SYDE2: variants seen among roughly 807,000 people sequenced by gnomAD.
SYDE2 encodes the protein rho GTPase-activating protein SYDE2.
SYDE2 carries 76 observed loss-of-function variants against 91.5 expected under a neutral mutation model. The observed-to-expected ratio is 0.83, with a 90% CI of 0.69 to 1.01. The LOEUF (loss-of-function observed/expected upper bound fraction) is 1.01, where lower values mean the gene tolerates loss of function less well. Ranked by LOEUF, SYDE2 falls within the 50% of genes least tolerant of loss-of-function variation. The probability of loss-of-function intolerance (pLI) is 0.00; values close to 1 mark genes in which losing one functional copy is unlikely to be tolerated. For synonymous variants in SYDE2, 513 were observed against 506.4 expected (o/e 1.01, Z -0.18); for missense variants, 1,364 against 1,367.7 (o/e 1.00, Z 0.04).
chr1:85,168,000 G>A (rs1387928533), intron 5 of SYDE2, among the ~76,000 whole-genome samples: 1 of 152,048 alleles, frequency 6.6e-6, no homozygotes, highest in East Asian at 1.9e-4. Flanking sequence ...TGTAGTCTCA[G>A]CTACTCAGGA....
chr1:85,159,400 A>AT (rs1017233275), intron 6 of SYDE2, among the ~76,000 whole-genome samples, 151 bp from the exon 7 acceptor site: 2 of 152,182 alleles, frequency 1.3e-5, no homozygotes, highest in African/African-American at 2.4e-5. Flanking sequence ...TTCCATAATT[A>AT]TTTTTTATTA....
At chr1:85,154,238 TCAATCTGTGGTCTGGAAA>T (rs1656827297), downstream of SYDE2, 1 of 150,924 alleles carries the variant, frequency 6.6e-6, no homozygotes, top group African/African-American at 2.4e-5. Flanking sequence ...ACCATCAAAC[TCAATCTGTGGTCTGGAAA>T]CTAAATTCTT....
intron 1 of SYDE2, among the ~76,000 whole-genome samples, chr1:85,197,890 G>C (rs1168371730): frequency 1.3e-5 from 2 of 152,012 alleles, no homozygotes; most frequent in South Asian, 2.1e-4. Context: ...TCCTGACCTC[G>C]TGATCCGCCC....
At chr1:85,166,763 C>T (rs1657292571) in intron 5 of SYDE2, among the ~76,000 whole-genome samples, 1 of 152,066 alleles carries the variant, frequency 6.6e-6, no homozygotes, top group Non-Finnish European at 1.5e-5. Flanking sequence ...AGGGTATTTC[C>T]AGCAATAATT....
chr1:85,174,416 C>A (rs143026054), intron 4 of SYDE2, among the ~76,000 whole-genome samples: 205 of 149,772 alleles, frequency 1.4e-3, no homozygotes, highest in African/African-American at 4.9e-3. Flanking sequence ...CACAAAAGAC[C>A]ATATTCTGGG....
intron 5 of SYDE2, among the ~76,000 whole-genome samples, chr1:85,166,873 A>G (rs1317249609): frequency 6.6e-6 from 1 of 152,172 alleles, no homozygotes; most frequent in Non-Finnish European, 1.5e-5. Flanking sequence ...TTTTTTGACT[A>G]CTAAATAAGA....
chr1:85,173,505 G>A (rs1211886081), intron 4 of SYDE2, among the ~76,000 whole-genome samples: 1 of 152,190 alleles, frequency 6.6e-6, no homozygotes, highest in Non-Finnish European at 1.5e-5. Flanking sequence ...TAAGTACACA[G>A]TATATAGCAG....
chr1:85,178,209 C>A lies in SYDE2; in HGVS notation c.2608G>T (p.Glu870Ter). ...AGACCAACAGCTTTGCTATCTCTCT[C>A]AAAAGCCTCTCGCAGTTCTTTCTTG... Reference protein sequence around the residue: ...AVKKELREAFERDSKAVGLCE... With the variant: ...AVKKELREAF The change falls in exon 4 of 7, where the codon GAG becomes TAG. Residue 870 changes from glutamate to a stop codon, truncating the protein, a stop_gained. Transcript: ENST00000341460. LOFTEE classifies it high-confidence loss of function. The A allele has an allele frequency of 6.3e-7, 1 of 1,587,012 alleles. No individual in the cohort carries two copies. Among genetic ancestry groups the A allele is most frequent in the Non-Finnish European group, 8.6e-7 (1 of 1,165,400 alleles).
At chr1:85,167,561 T>C (rs817424) in intron 5 of SYDE2, among the ~76,000 whole-genome samples, 34,376 of 152,004 alleles carry the variant, frequency 0.23, 4,810 homozygotes, top group African/African-American at 0.39. Context: ...AGCCATCCTT[T>C]TACCTCAGCC....
chr1:85,155,322 A>T (rs1305376510), downstream of SYDE2, among the ~76,000 whole-genome samples: 2 of 152,172 alleles, frequency 1.3e-5, no homozygotes, highest in Non-Finnish European at 2.9e-5. Context: ...GCTACAGTAA[A>T]GCAAGTGTTT....
chr1:85,187,229 A>G (rs1658178945), intron 2 of SYDE2, among the ~76,000 whole-genome samples: 1 of 152,240 alleles, frequency 6.6e-6, no homozygotes, highest in African/African-American at 2.4e-5. Flanking sequence ...AATTCTCAAA[A>G]GAAGACATTT....
chr1:85,162,231 G>T (rs1283084523), intron 6 of SYDE2, among the ~76,000 whole-genome samples: 1 of 152,168 alleles, frequency 6.6e-6, no homozygotes. Context: ...TTTAACTCTG[G>T]AGTTGGAGAA....
downstream of SYDE2, chr1:85,154,097 C>A (rs1398119441): frequency 6.6e-6 from 1 of 152,118 alleles, no homozygotes. Context: ...GGAAAAACAG[C>A]AAAAGAGCAT....
intron 1 of SYDE2, among the ~76,000 whole-genome samples, chr1:85,194,039 C>T (rs1467240572): frequency 2.0e-5 from 3 of 151,902 alleles, no homozygotes; most frequent in Non-Finnish European, 4.4e-5. Context: ...AGATAAATGG[C>T]ACATTATTAT....
intron 2 of SYDE2, among the ~76,000 whole-genome samples, chr1:85,188,387 C>T (rs1184770472): frequency 6.6e-6 from 1 of 152,190 alleles, no homozygotes; most frequent in Non-Finnish European, 1.5e-5. Flanking sequence ...ATTTCCAGGA[C>T]ATCTTTCAGC....
chr1:85,158,785 C>A lies in SYDE2; in HGVS notation c.3550G>T (p.Glu1184Ter). 4 of 758,422 alleles carry A rather than the reference C, an allele frequency of 5.3e-6. No homozygotes were observed. The highest frequency in any genetic ancestry group is 9.7e-6 in the Non-Finnish European group (4 of 410,268). The allele number at this position is 758,422 out of a possible 1,614,324, so 47.0% of individuals were successfully genotyped here. The change falls in exon 7 of 7, where the codon GAG (glutamate) becomes TAG (stop). Residue 1184 changes from glutamate (E) to a stop codon, truncating the protein, a stop_gained. Coordinates refer to ENST00000341460, the MANE Select transcript of SYDE2 (RefSeq NM_032184.2). LOFTEE classifies it high-confidence loss of function. ...IDTLIGNLERELNKNKLNMSF is the reference protein window; with the variant it reads ...IDTLIGNLER ...ATATTAAGCTTGTTTTTGTTGAGCTCACGTTCCAGATTTCCAATCAAAGTA... is the reference window on the plus strand; with the variant it reads ...ATATTAAGCTTGTTTTTGTTGAGCTAACGTTCCAGATTTCCAATCAAAGTA...
rs1656956957 is a variant in SYDE2, at chr1:85,158,827, G to C, written c.3508C>G (p.Leu1170Val). The C allele has an allele frequency of 1.3e-6, 1 of 774,700 alleles. No homozygotes were observed. The highest frequency in any genetic ancestry group is 2.4e-5 in the East Asian group (1 of 41,182). The allele number at this position is 774,700 out of a possible 1,614,324, so 48.0% of individuals were successfully genotyped here. A position where few individuals can be genotyped will look rare whatever the true frequency, so the allele number is the denominator to read the frequency against. The change falls in exon 7 of 7, where the codon CTA becomes GTA. Residue 1170 changes from leucine (L) to valine (V), a missense_variant. Transcript: ENST00000341460. ...TVDRKNNLKD[L>V]QESIDTLIGN... Reference sequence around the variant, plus strand: ...ATCAAAGTATCAATACTTTCTTGTAGATCTTTGAGATTGTTTTTTCGATCC... The same window carrying C: ...ATCAAAGTATCAATACTTTCTTGTACATCTTTGAGATTGTTTTTTCGATCC...
chr1:85,162,346 A>G (rs1557740147), intron 6 of SYDE2, among the ~76,000 whole-genome samples: 1 of 152,206 alleles, frequency 6.6e-6, no homozygotes, highest in Admixed American at 6.5e-5. Context: ...GCTGTGGCCT[A>G]CTAGTCTTTG....
chr1:85,177,881 A>G (rs1297856158), intron 4 of SYDE2, among the ~76,000 whole-genome samples: 1 of 152,088 alleles, frequency 6.6e-6, no homozygotes, highest in Non-Finnish European at 1.5e-5. Context: ...TTATCCCTCT[A>G]TGAAGGTACC....
Sources: allele counts gnomAD v4.1 joint callset (sites outside exome capture counted in the v4.1 genomes callset), GRCh38; gene constraint gnomAD v4.1.1; transcripts MANE v1.5; gene names NCBI Gene and HGNC (gene_info 2026-07-23, HGNC 2026-07-21).